Variants in EGR2 observed in about 807,000 individuals in gnomAD.
EGR2 encodes the protein early growth response 2, also known as E3 SUMO-protein ligase EGR2.
A neutral mutation model predicts 21.2 loss-of-function variants in EGR2; 2 were observed. That is an observed-to-expected ratio of 0.09 (90% confidence interval 0.04 to 0.30). EGR2 has a LOEUF of 0.30. Among genes scored for constraint, EGR2 ranks in the 10% least tolerant of loss-of-function variants. The probability of loss-of-function intolerance (pLI) is 1.00; values close to 1 mark genes in which losing one functional copy is unlikely to be tolerated. For synonymous variants in EGR2, 282 were observed against 258.2 expected (o/e 1.09, Z -0.88); for missense variants, 458 against 630.2 (o/e 0.73, Z 2.93).
In EGR2 at chr10:62,813,215, T is replaced by C; in HGVS notation, c.1423A>G (p.Thr475Ala). 5 of 1,566,368 alleles carry C rather than the reference T, an allele frequency of 3.2e-6. No individual in the cohort carries two copies. Among genetic ancestry groups the C allele is most frequent in the Admixed American group, 1.9e-5 (1 of 53,520 alleles). ...TCAGCCTGAGTCTCATCTCAAGGTG[T>C]CCGGGTCCGAGAGGAGCAAGGGGCG... ...PLAPCSSRTR[T>A]P Residue 475 changes from threonine (T) to alanine (A), a missense_variant, in exon 2 of 2, where the codon ACA becomes GCA. Thr to Ala is a moderately conservative substitution (Grantham distance 58). Around this residue, in one of 5 missense-constraint regions of EGR2, gnomAD observed 69 missense variants for 70.4 expected, o/e 0.98. Coordinates refer to ENST00000242480, the MANE Select transcript of EGR2 (RefSeq NM_000399.5). The surrounding 1 kb of genome is among the most constrained non-coding windows in gnomAD (Gnocchi z 5.7).
Position 62,816,147 on chromosome 10 carries a change from A to C in EGR2, c.-118T>G. 6.3e-7 allele frequency: 1 copy of C among 1,598,596 alleles called. No homozygotes were observed. The highest frequency in any genetic ancestry group is 2.2e-5 in the East Asian group (1 of 44,544). On this transcript the variant is annotated 5_prime_UTR_variant, in exon 1 of 2. Coordinates refer to ENST00000242480, the MANE Select transcript of EGR2 (RefSeq NM_000399.5). ...GTATCTCCTTTTGCCCTCCACACTTAAAAACAACCACCACACACACCAAGA... is the reference window on the plus strand; with the variant it reads ...GTATCTCCTTTTGCCCTCCACACTTCAAAACAACCACCACACACACCAAGA...
At position 62,813,623 on chromosome 10, in the gene EGR2, G is replaced by A. The variant is rs1021297519; in HGVS notation, c.1015C>T (p.Pro339Ser). 1 of 1,612,992 alleles carries A rather than the reference G, an allele frequency of 6.2e-7. No homozygotes were observed. ...RPSKTPVHER[P>S]YPCPAEGCDR... Reference sequence around the variant, plus strand: ...CAGCCTTCTGCTGGGCACGGGTAGGGCCTCTCGTGCACCGGCGTCTTGCTG... The same window carrying A: ...CAGCCTTCTGCTGGGCACGGGTAGGACCTCTCGTGCACCGGCGTCTTGCTG... Residue 339 changes from proline to serine, a missense_variant, in exon 2 of 2, where the codon CCC becomes TCC. Transcript: ENST00000242480. The surrounding 1 kb of genome is among the most constrained non-coding windows in gnomAD (Gnocchi z 5.7).
Position 62,814,700 on chromosome 10 carries a change from GA to G in EGR2, c.170-233del, listed in dbSNP as rs1380855344. ...CTCAAGAACTACCTCCAAAAAAGCA[GA>G]ATGAGCTTTTCCCAACTCCCCTCCA... On this transcript the variant is annotated intron_variant, in intron 1 of 1. Coordinates refer to ENST00000242480, the MANE Select transcript of EGR2 (RefSeq NM_000399.5). This position sits in a 1 kb window ranked among gnomAD's most constrained non-coding sequence, Gnocchi z 4.8. 6.6e-6 allele frequency among the ~76,000 whole-genome samples: 1 copy of G among 152,174 alleles called. No individual in the cohort carries two copies. Among genetic ancestry groups the G allele is most frequent in the African/African-American group, 2.4e-5 (1 of 41,426 alleles).
Position 62,814,077 on chromosome 10 carries a change from C to G in EGR2, c.561G>C (p.Ala187=), listed in dbSNP as rs144739493. Residue 187 remains alanine (A), a synonymous_variant, in exon 2 of 2, where the codon GCG becomes GCC. Coordinates refer to ENST00000242480, the MANE Select transcript of EGR2 (RefSeq NM_000399.5). The surrounding 1 kb of genome is among the most constrained non-coding windows in gnomAD (Gnocchi z 4.8). ...CAGDLYQDPS[A]FLSAATTSTS... ...TGGAGGTGGTGGCTGCTGACAGGAACGCAGAAGGGTCCTGGTAGAGGTCTC... is the reference window on the plus strand; with the variant it reads ...TGGAGGTGGTGGCTGCTGACAGGAAGGCAGAAGGGTCCTGGTAGAGGTCTC... 1.2e-6 allele frequency: 2 copies of G among 1,613,922 alleles called. No homozygotes were observed. Among genetic ancestry groups the G allele is most frequent in the Non-Finnish European group, 1.7e-6 (2 of 1,179,962 alleles).
chr10:62,817,930 G>T (rs189535849), upstream of EGR2, among the ~76,000 whole-genome samples: 97 of 152,330 alleles, frequency 6.4e-4, no homozygotes, highest in Middle Eastern at 3.4e-3. This position sits in a 1 kb window ranked among gnomAD's most constrained non-coding sequence, Gnocchi z 4.4. Flanking sequence ...GCGCACCGCC[G>T]CCTGCATGAC....
chr10:62,812,448 A>AT lies in EGR2; in HGVS notation c.*758dup, dbSNP rs1842134015. The AT allele has an allele frequency of 6.5e-6, 1 of 152,756 alleles. No individual in the cohort carries two copies. The highest frequency in any genetic ancestry group is 1.9e-4 in the East Asian group (1 of 5,334). The allele number at this position is 152,756 out of a possible 1,614,324, so 9.5% of individuals were successfully genotyped here. On this transcript the variant is annotated 3_prime_UTR_variant, in exon 2 of 2. Transcript: ENST00000242480. Reference sequence around the variant, plus strand: ...ACCTCTGAGATCATAAATGCTTTACATTTTTTCCCAAAGATTCAGAATTTA... The same window carrying AT: ...ACCTCTGAGATCATAAATGCTTTACATTTTTTTCCCAAAGATTCAGAATTTA...
chr10:62,817,275 C>T (rs772848700), upstream of EGR2, among the ~76,000 whole-genome samples: 1 of 152,150 alleles, frequency 6.6e-6, no homozygotes. This position sits in a 1 kb window ranked among gnomAD's most constrained non-coding sequence, Gnocchi z 4.4. Context: ...AGCTTGGACA[C>T]TCACCCTGCC....
chr10:62,814,562 C>T lies in EGR2; in HGVS notation c.170-94G>A. 8.0e-7 allele frequency: 1 copy of T among 1,248,200 alleles called. No individual in the cohort carries two copies. Among genetic ancestry groups the T allele is most frequent in the Non-Finnish European group, 1.2e-6 (1 of 858,312 alleles). The allele number at this position is 1,248,200 out of a possible 1,614,324, so 77.3% of individuals were successfully genotyped here. ...GCTCACATAGGTCCATTTCCAAGGC[C>T]GAGAGTCTCAGCACTGTAGAGCTGT... On this transcript the variant is annotated intron_variant, in intron 1 of 1. Transcript: ENST00000242480. The surrounding 1 kb of genome is among the most constrained non-coding windows in gnomAD (Gnocchi z 4.8).
upstream of EGR2, among the ~76,000 whole-genome samples, chr10:62,817,877 G>C (rs1438710493): frequency 6.6e-6 from 1 of 152,242 alleles, no homozygotes; most frequent in African/African-American, 2.4e-5. The surrounding 1 kb of genome is among the most constrained non-coding windows in gnomAD (Gnocchi z 4.4). Flanking sequence ...AGCCGGGCCT[G>C]TCCGGGGCCC....
intron 1 of EGR2, 30 bp downstream of exon 1, chr10:62,815,831 G>C: frequency 6.2e-7 from 1 of 1,613,378 alleles, no homozygotes; most frequent in Non-Finnish European, 8.5e-7. Context: ...GGGCCGCGCA[G>C]GTCCGGGCCT....
Position 62,813,666 on chromosome 10 carries a change from G to A in EGR2, c.972C>T (p.Arg324=). The change falls in exon 2 of 2, where the codon CGC becomes CGT. Residue 324 remains arginine (R), a synonymous_variant. Coordinates refer to ENST00000242480, the MANE Select transcript of EGR2 (RefSeq NM_000399.5). The surrounding 1 kb of genome is among the most constrained non-coding windows in gnomAD (Gnocchi z 5.7). ...TCTTGCTGGGTCTGTTGGGGTACTT[G>A]CGAGGCCTCAGAATGGGCCGCAGTG... The part of the protein sequence containing the change: ...HLPLRPILRP[R]KYPNRPSKTP... 1 of 1,613,360 alleles carries A rather than the reference G, an allele frequency of 6.2e-7. No homozygotes were observed. The highest frequency in any genetic ancestry group is 8.5e-7 in the Non-Finnish European group (1 of 1,180,028).
Position 62,813,960 on chromosome 10 carries a change from A to G in EGR2, c.678T>C (p.Tyr226=). 2 of 1,614,196 alleles carry G rather than the reference A, an allele frequency of 1.2e-6. No individual in the cohort carries two copies. Among genetic ancestry groups the G allele is most frequent in the Non-Finnish European group, 1.7e-6 (2 of 1,180,028 alleles). ...GGCACTGAGATGGAAAGAATCCAGG[A>G]TAGTCTGGGATCATTGGGAAGAGAC... ...DPGLFPMIPD[Y]PGFFPSQCQR... is the part of the protein sequence containing the mutation. The change falls in exon 2 of 2, where the codon TAT becomes TAC. Residue 226 remains tyrosine, a synonymous_variant. Coordinates refer to ENST00000242480, the MANE Select transcript of EGR2 (RefSeq NM_000399.5). This position sits in a 1 kb window ranked among gnomAD's most constrained non-coding sequence, Gnocchi z 5.7.
chr10:62,814,979 G>C lies in EGR2; in HGVS notation c.170-511C>G, dbSNP rs554879981. 4.3e-4 allele frequency among the ~76,000 whole-genome samples: 65 copies of C among 152,332 alleles called. No homozygotes were observed. Among genetic ancestry groups the C allele is most frequent in the Admixed American group, 1.3e-3 (20 of 15,308 alleles). ...GGCTGCTCCCCATCCCCGGCGCCTT[G>C]TGCCTTTTTCTCCCTCCCTCTCCCG... On this transcript the variant is annotated intron_variant, in intron 1 of 1. Coordinates refer to ENST00000242480, the MANE Select transcript of EGR2 (RefSeq NM_000399.5). This position sits in a 1 kb window ranked among gnomAD's most constrained non-coding sequence, Gnocchi z 4.8.
chr10:62,815,716 AC>A, intron 1 of EGR2, 144 bp downstream of exon 1: 2 of 1,089,370 alleles, frequency 1.8e-6, no homozygotes, highest in Non-Finnish European at 2.6e-6. Context: ...TTCCTCCTGC[AC>A]CCACTTCCAG....
Position 62,814,208 on chromosome 10 carries a change from G to A in EGR2, c.430C>T (p.Leu144=), listed in dbSNP as rs748000931. 1.2e-6 allele frequency: 2 copies of A among 1,614,184 alleles called. No individual in the cohort carries two copies. Among genetic ancestry groups the A allele is most frequent in the Non-Finnish European group, 1.7e-6 (2 of 1,180,014 alleles). ...CACACACCCAGGGGTCCTGTGGCCA[G>A]TGGGTTGGGGGAGGCAGAGGTGACG... ...SSVTSASPNP[L]ATGPLGVCTM... is the part of the protein sequence containing the mutation. Residue 144 remains leucine (L), a synonymous_variant, in exon 2 of 2, where the codon CTG becomes TTG. Transcript: ENST00000242480. The surrounding 1 kb of genome is among the most constrained non-coding windows in gnomAD (Gnocchi z 4.8).
chr10:62,814,458 G>A lies in EGR2; in HGVS notation c.180C>T (p.Ile60=), dbSNP rs1842212335. 2 of 1,614,018 alleles carry A rather than the reference G, an allele frequency of 1.2e-6. No homozygotes were observed. The highest frequency in any genetic ancestry group is 1.7e-5 in the Admixed American group (1 of 60,024). The change falls in exon 2 of 2, where the codon ATC becomes ATT. Residue 60 remains isoleucine (I), a synonymous_variant. Transcript: ENST00000242480. The surrounding 1 kb of genome is among the most constrained non-coding windows in gnomAD (Gnocchi z 4.8). The part of the protein sequence containing the change: ...QMNGVAGDGM[I]NIDMTGEKRS... ...TCTTCTCTCCAGTCATGTCAATGTT[G>A]ATCATGCCATCTGGGGAGGGGAAAG...
Position 62,813,560 on chromosome 10 carries a change from G to A in EGR2, c.1078C>T (p.His360Tyr). The change falls in exon 2 of 2, where the codon CAC becomes TAC. Residue 360 changes from histidine (H) to tyrosine (Y), a missense_variant. Physicochemically the swap from His to Tyr is moderately conservative, Grantham distance 83. Coordinates refer to ENST00000242480, the MANE Select transcript of EGR2 (RefSeq NM_000399.5). The surrounding 1 kb of genome is among the most constrained non-coding windows in gnomAD (Gnocchi z 5.7). ...TTATGCCCAGTGTGGATTCGGATGTGCCGTGTCAGCTCGTCAGAGCGGGAG... is the reference window on the plus strand; with the variant it reads ...TTATGCCCAGTGTGGATTCGGATGTACCGTGTCAGCTCGTCAGAGCGGGAG... ...RFSRSDELTR[H>Y]IRIHTGHKPF... 6.2e-7 allele frequency: 1 copy of A among 1,610,694 alleles called. No homozygotes were observed. Among genetic ancestry groups the A allele is most frequent in the African/African-American group, 1.3e-5 (1 of 74,304 alleles).
Position 62,816,325 on chromosome 10 carries a change from G to C in EGR2, c.-296C>G. 1 of 1,280,332 alleles carries C rather than the reference G, an allele frequency of 7.8e-7. No individual in the cohort carries two copies. Among genetic ancestry groups the C allele is most frequent in the Non-Finnish European group, 1.0e-6 (1 of 1,002,614 alleles). The allele number at this position is 1,280,332 out of a possible 1,614,324, so 79.3% of individuals were successfully genotyped here. A position where few individuals can be genotyped will look rare whatever the true frequency, so the allele number is the denominator to read the frequency against. On this transcript the variant is annotated 5_prime_UTR_variant, in exon 1 of 2. Transcript: ENST00000242480. ...GTAGTGTTATTATAACAGTCAGTGA[G>C]TCCCCTCGCCGAGCTATTAATCAAT...
At chr10:62,816,446 A>C, upstream of EGR2, 1 of 1,061,672 alleles carries the variant, frequency 9.4e-7, no homozygotes, top group South Asian at 2.0e-5. Context: ...GGACTGAGGA[A>C]CAGGGCTGGG....
Sources: allele counts gnomAD v4.1 joint callset (sites outside exome capture counted in the v4.1 genomes callset), GRCh38; gene constraint gnomAD v4.1.1; regional missense constraint gnomAD v4.1.1; non-coding constraint Gnocchi (gnomAD v3.1); transcripts MANE v1.5; gene names NCBI Gene and HGNC (gene_info 2026-07-23, HGNC 2026-07-21).